The following CADM2 variants were observed in gnomAD, a reference collection of about 807,000 sequenced individuals.
CADM2 encodes immunoglobulin superfamily member 4D.
CADM2 carries 12 observed loss-of-function variants against 49.8 expected under a neutral mutation model. The ratio of observed to expected loss-of-function variants is 0.24; its 90% CI spans 0.15 to 0.39. CADM2 has a LOEUF of 0.39. CADM2 is among the 10% of genes least tolerant of loss of function. The pLI is 1.00. For synonymous variants in CADM2, 214 were observed against 175.4 expected (o/e 1.22, Z -1.74); for missense variants, 378 against 492.3 (o/e 0.77, Z 2.20).
chr3:86,025,646 TAGG>T (rs1257585117), intron 8 of CADM2, among the ~76,000 whole-genome samples: 29 of 152,162 alleles, frequency 1.9e-4, no homozygotes, highest in Non-Finnish European at 4.1e-4. Context: ...AGCTGCTTAT[TAGG>T]AGAAGGTAGG....
chr3:85,095,744 TA>T (rs1281116255), intron 1 of CADM2, among the ~76,000 whole-genome samples: 4 of 152,202 alleles, frequency 2.6e-5, no homozygotes, highest in Admixed American at 6.6e-5. Flanking sequence ...TAGTTTTCCA[TA>T]ATTATTCCAC....
intron 1 of CADM2, among the ~76,000 whole-genome samples, chr3:85,401,795 A>C (rs561546340): frequency 1.3e-5 from 2 of 152,044 alleles, no homozygotes; most frequent in African/African-American, 4.8e-5. Context: ...TAGCTGAGTT[A>C]AGCTGGGATT....
At chr3:85,551,596 A>C (rs1322121594) in intron 1 of CADM2, among the ~76,000 whole-genome samples, 1 of 152,196 alleles carries the variant, frequency 6.6e-6, no homozygotes, top group Admixed American at 6.5e-5. Flanking sequence ...AAAATCAGTT[A>C]AAGGGTTGTC....
chr3:84,959,954 C>G (rs2030301057), intron 1 of CADM2: 1 of 529,752 alleles, frequency 1.9e-6, no homozygotes, highest in Non-Finnish European at 3.4e-6. Flanking sequence ...CCGCCAGCAT[C>G]CCCCTCCCAC....
chr3:85,438,092 GA>G (rs2037016458), intron 1 of CADM2, among the ~76,000 whole-genome samples: 1 of 151,778 alleles, frequency 6.6e-6, no homozygotes, highest in Admixed American at 6.6e-5. Context: ...AATGTGATTG[GA>G]ATACAGAAAA....
intron 1 of CADM2, among the ~76,000 whole-genome samples, chr3:85,204,237 TTTAAA>T (rs1370580258): frequency 1.3e-5 from 2 of 152,188 alleles, no homozygotes; most frequent in Non-Finnish European, 2.9e-5. Context: ...TTTTAATCAG[TTTAAA>T]TTAATTTGTT....
intron 3 of CADM2, among the ~76,000 whole-genome samples, chr3:85,835,207 T>C (rs1325326076): frequency 6.6e-6 from 1 of 151,556 alleles, no homozygotes; most frequent in Non-Finnish European, 1.5e-5. Context: ...TTTCCTCACA[T>C]ACTTGTGATT....
rs2035596962 is a variant in CADM2 at position 85,410,326 on chromosome 3, G to T, written c.62-316196G>T. On this transcript the variant is annotated intron_variant, in intron 1 of 9. Transcript: ENST00000383699. ...GCTAAACTAATCTAGTGTTCCTCTA[G>T]CATTAGGGAGACTATTAGGTAAATT... Among the ~76,000 whole-genome samples the T allele has an allele frequency of 2.0e-5, 3 of 152,202 alleles. No individual in the cohort carries two copies. In the South Asian group the frequency reaches 6.2e-4, roughly 32 times the overall value.
At chr3:85,106,298 A>G (rs2038223710) in intron 1 of CADM2, among the ~76,000 whole-genome samples, 1 of 152,088 alleles carries the variant, frequency 6.6e-6, no homozygotes, top group African/African-American at 2.4e-5. Flanking sequence ...AGGAAGATGG[A>G]GATTTTTTCC....
chr3:85,739,909 C>CT (rs1308244144), intron 2 of CADM2, among the ~76,000 whole-genome samples: 1 of 152,086 alleles, frequency 6.6e-6, no homozygotes, highest in African/African-American at 2.4e-5. Context: ...AAAACAATTA[C>CT]TTTTTTTCCA....
chr3:85,898,955 A>ATATATATATATATATAT (rs1475991339), intron 5 of CADM2, among the ~76,000 whole-genome samples: 25 of 33,920 alleles, frequency 7.4e-4, no homozygotes, highest in Non-Finnish European at 1.0e-3. Flanking sequence ...ATATATATAT[A>ATATATATATATATATAT]TTTTTTTTTT....
At chr3:85,271,266 T>C (rs756239429) in intron 1 of CADM2, among the ~76,000 whole-genome samples, 11 of 151,164 alleles carry the variant, frequency 7.3e-5, no homozygotes, top group Non-Finnish European at 1.6e-4. Context: ...TGTTTGCTCT[T>C]ATATTATTGG....
At chr3:85,539,387 C>G (rs905775209) in intron 1 of CADM2, among the ~76,000 whole-genome samples, 1 of 152,002 alleles carries the variant, frequency 6.6e-6, no homozygotes, top group South Asian at 2.1e-4. Context: ...CCAGAACATG[C>G]GAAGCATTTG....
chr3:85,203,474 T>C (rs1385362282), intron 1 of CADM2, among the ~76,000 whole-genome samples: 2 of 152,166 alleles, frequency 1.3e-5, no homozygotes, highest in African/African-American at 2.4e-5. Context: ...TGTCATCTTA[T>C]GTGGGTGTGG....
intron 1 of CADM2, among the ~76,000 whole-genome samples, chr3:85,146,075 C>G (rs948226314): frequency 1.3e-5 from 2 of 152,134 alleles, no homozygotes; most frequent in Admixed American, 1.3e-4. Flanking sequence ...CCTTGGTTTT[C>G]TGTCTGACAA....
chr3:85,718,882 T>TTTA (rs71112111), intron 1 of CADM2, among the ~76,000 whole-genome samples: 19,759 of 141,132 alleles, frequency 0.14, 1,441 homozygotes, highest in East Asian at 0.21. Flanking sequence ...TTAATGGTAT[T>TTTA]TTATTATTAT....
chr3:85,466,278 T>A (rs866272391), intron 1 of CADM2, among the ~76,000 whole-genome samples: 22 of 152,194 alleles, frequency 1.4e-4, no homozygotes, highest in African/African-American at 5.3e-4. Context: ...ACTAAATTTA[T>A]CTTCCCCAAT....
In CADM2 at chr3:86,066,552, G is replaced by A. The variant is rs1739363847; in HGVS notation, c.1097-113G>A. 1.1e-5 allele frequency: 8 copies of A among 742,062 alleles called. No homozygotes were observed. The South Asian group carries it at 1.2e-4, about 11-fold the overall frequency. The allele number at this position is 742,062 out of a possible 1,614,324, so 46.0% of individuals were successfully genotyped here. ...CAACTTTAGAAGAGTCAATCGGGTAGCATATTAGGTCTCAAAAATCTGGCA... is the reference window on the plus strand; with the variant it reads ...CAACTTTAGAAGAGTCAATCGGGTAACATATTAGGTCTCAAAAATCTGGCA... On this transcript the variant is annotated intron_variant, in intron 9 of 9. Transcript: ENST00000383699.
At chr3:85,777,958 G>A (rs955698490) in intron 2 of CADM2, among the ~76,000 whole-genome samples, 6 of 152,022 alleles carry the variant, frequency 3.9e-5, no homozygotes, top group East Asian at 1.9e-4. Flanking sequence ...ATATGCATAC[G>A]TAGGTGTTAT....
Sources: allele counts gnomAD v4.1 joint callset (sites outside exome capture counted in the v4.1 genomes callset), GRCh38; gene constraint gnomAD v4.1.1; transcripts MANE v1.5; gene names NCBI Gene and HGNC (gene_info 2026-07-23, HGNC 2026-07-21).